Variants in STK32B observed in about 807,000 individuals in gnomAD.
The protein encoded by STK32B is serine/threonine-protein kinase 32B.
Under a neutral mutation model 52.6 loss-of-function variants are expected in STK32B, and 43 were observed. That is an observed-to-expected ratio of 0.82 (90% CI 0.64 to 1.05). STK32B has a LOEUF of 1.05. Ranked by LOEUF, STK32B falls within the 50% of genes least tolerant of loss-of-function variation. The pLI, the probability that STK32B is intolerant of heterozygous loss-of-function variation, is 0.00. For missense variants in STK32B, 621 were observed against 534.6 expected, an observed-to-expected ratio of 1.16 and a Z score of -1.59; for synonymous variants, 238 against 204.3, an observed-to-expected ratio of 1.17 and a Z score of -1.41.
intron 3 of STK32B, among the ~76,000 whole-genome samples, chr4:5,245,726 A>G (rs1014638775): frequency 1.6e-4 from 24 of 151,982 alleles, no homozygotes; most frequent in African/African-American, 5.8e-4. Context: ...GTTCCTTTCC[A>G]TGTTTAGTGC....
At chr4:5,487,382 A>G (rs951599538) in intron 11 of STK32B, among the ~76,000 whole-genome samples, 7 of 152,226 alleles carry the variant, frequency 4.6e-5, no homozygotes, top group East Asian at 1.9e-4. Flanking sequence ...AGGCAGTAAG[A>G]GCAAAGTTTA....
intron 3 of STK32B, among the ~76,000 whole-genome samples, chr4:5,329,744 A>C (rs1732109875): frequency 6.6e-6 from 1 of 152,230 alleles, no homozygotes; most frequent in East Asian, 1.9e-4. Context: ...CTGGGGACGC[A>C]ATAAACAGCC....
intron 3 of STK32B, among the ~76,000 whole-genome samples, chr4:5,205,839 C>T (rs778449516): frequency 2.0e-5 from 3 of 152,184 alleles, no homozygotes; most frequent in African/African-American, 7.2e-5. Flanking sequence ...AATTCTCTTT[C>T]ACCGATTCTC....
chr4:5,228,288 G>C (rs1460020665), intron 3 of STK32B, among the ~76,000 whole-genome samples: 1 of 152,176 alleles, frequency 6.6e-6, no homozygotes, highest in Non-Finnish European at 1.5e-5. Flanking sequence ...GAGCGATTGA[G>C]TCAGTCTTCA....
chr4:5,422,901 A>G (rs992103176), intron 6 of STK32B, among the ~76,000 whole-genome samples: 1 of 152,316 alleles, frequency 6.6e-6, no homozygotes, highest in East Asian at 1.9e-4. Context: ...TCTGCTGGGT[A>G]ACGATAGAGA....
At chr4:5,208,719 C>T (rs142383779) in intron 3 of STK32B, among the ~76,000 whole-genome samples, 1,613 of 152,100 alleles carry the variant, frequency 0.011, 32 homozygotes, top group African/African-American at 0.034. Flanking sequence ...CTCGGGGTCT[C>T]TTAGATATTC....
chr4:5,491,188 CAACAGTGTA>C lies in STK32B; in HGVS notation c.1107-7754_1107-7746del, dbSNP rs1719701383. Among the ~76,000 whole-genome samples, 10 of 152,298 alleles carry C rather than the reference CAACAGTGTA, an allele frequency of 6.6e-5. No individual in the cohort carries two copies. The South Asian group carries it at 2.1e-3, about 32-fold the overall frequency. ...TGGTTGAACTAGTTTACAGTCCCAC[CAACAGTGTA>C]AAAGTGTTCCTATTTCTCCACATCC... On this transcript the variant is annotated intron_variant, in intron 11 of 11. Transcript: ENST00000282908.
intron 3 of STK32B, among the ~76,000 whole-genome samples, chr4:5,178,884 C>T (rs1720132131): frequency 6.6e-6 from 1 of 152,200 alleles, no homozygotes; most frequent in African/African-American, 2.4e-5. Context: ...CCACATCTTC[C>T]TGTCTTCTTC....
intron 4 of STK32B, among the ~76,000 whole-genome samples, chr4:5,359,405 C>G (rs922549862): frequency 3.3e-5 from 5 of 151,640 alleles, no homozygotes; most frequent in African/African-American, 1.2e-4. Context: ...CCCTCCCTCC[C>G]TCCCTCCATC....
At chr4:5,221,195 T>C (rs1489941108) in intron 3 of STK32B, among the ~76,000 whole-genome samples, 1 of 152,212 alleles carries the variant, frequency 6.6e-6, no homozygotes, top group Non-Finnish European at 1.5e-5. Flanking sequence ...TCCAATTCTT[T>C]TAATGTTCCC....
chr4:5,398,136 G>T lies in STK32B; in HGVS notation c.435-71G>T. On this transcript the variant is annotated intron_variant, in intron 4 of 11. Transcript: ENST00000282908. This position sits in a 1 kb window ranked among gnomAD's most constrained non-coding sequence, Gnocchi z 4.9. ...TGGGTGTTCCAGCATTTGTCCTGAT[G>T]TGGTGCTTGTCTATGTGCTCATCTG... The T allele has an allele frequency of 6.4e-7, 1 of 1,573,174 alleles. No individual in the cohort carries two copies. Among genetic ancestry groups the T allele is most frequent in the Non-Finnish European group, 8.7e-7 (1 of 1,149,238 alleles).
At chr4:5,424,585 A>G (rs931759636) in intron 6 of STK32B, among the ~76,000 whole-genome samples, 1 of 152,184 alleles carries the variant, frequency 6.6e-6, no homozygotes, top group Non-Finnish European at 1.5e-5. Flanking sequence ...TGAGAGCTGA[A>G]CAGACATCTG....
At chr4:5,326,899 A>G (rs1045920268) in intron 3 of STK32B, among the ~76,000 whole-genome samples, 4 of 152,252 alleles carry the variant, frequency 2.6e-5, no homozygotes, top group Non-Finnish European at 5.9e-5. Context: ...TTTTGCCCAC[A>G]GTAGAACTTC....
At chr4:5,124,257 G>A (rs982991972) in intron 1 of STK32B, among the ~76,000 whole-genome samples, 27 of 152,276 alleles carry the variant, frequency 1.8e-4, no homozygotes, top group East Asian at 3.9e-4. Context: ...TCAGATGTCC[G>A]AGTGAGCAAA....
chr4:5,317,154 C>A (rs1418306286), intron 3 of STK32B, among the ~76,000 whole-genome samples: 1 of 31,844 alleles, frequency 3.1e-5, no homozygotes, highest in South Asian at 1.8e-3. Context: ...GTATAATATA[C>A]ATATTACATA....
At chr4:5,062,731 A>G (rs932375162) in intron 1 of STK32B, among the ~76,000 whole-genome samples, 1 of 151,710 alleles carries the variant, frequency 6.6e-6, no homozygotes, top group African/African-American at 2.4e-5. Flanking sequence ...GATGGTCTCG[A>G]TCTCCTGACC....
intron 1 of STK32B, among the ~76,000 whole-genome samples, chr4:5,105,260 A>G (rs545909917): frequency 6.6e-4 from 100 of 152,326 alleles, no homozygotes; most frequent in African/African-American, 2.3e-3. Flanking sequence ...GCATGAGGCC[A>G]GAAGTTCAAT....
chr4:5,483,134 A>G (rs963027799), intron 11 of STK32B, among the ~76,000 whole-genome samples: 55 of 151,546 alleles, frequency 3.6e-4, no homozygotes, highest in African/African-American at 1.2e-3. Context: ...CTCTTTTTCT[A>G]TTGATTGGAA....
At chr4:5,363,384 C>G (rs920630014) in intron 4 of STK32B, among the ~76,000 whole-genome samples, 73 of 152,144 alleles carry the variant, frequency 4.8e-4, no homozygotes, top group Non-Finnish European at 2.1e-4. Flanking sequence ...GCCAAGGCCA[C>G]AGGGTGATCC....
Sources: gnomAD v4.1 joint callset for allele counts (sites outside exome capture counted in the v4.1 genomes callset) on GRCh38, gnomAD v4.1.1 for gene constraint, Gnocchi (gnomAD v3.1) non-coding constraint, MANE v1.5 for transcripts, NCBI Gene and HGNC (gene_info 2026-07-23, HGNC 2026-07-21) for gene names.